The following GMEB2 variants were observed in gnomAD, a reference collection of about 807,000 sequenced individuals.
GMEB2 encodes the protein glucocorticoid modulatory element-binding protein 2.
In GMEB2, 7 loss-of-function variants were observed where a neutral mutation model predicts 45.7. The ratio of observed to expected loss-of-function variants is 0.15; its 90% CI spans 0.09 to 0.29. GMEB2 has a LOEUF of 0.29. Ranked by LOEUF, GMEB2 falls within the 10% of genes least tolerant of loss-of-function variation. The probability of loss-of-function intolerance (pLI) is 1.00; values close to 1 mark genes in which losing one functional copy is unlikely to be tolerated. For synonymous variants in GMEB2, 322 were observed against 323.6 expected (o/e 1.00, Z 0.05); for missense variants, 582 against 739.2 (o/e 0.79, Z 2.47).
chr20:63,615,914 C>T (rs947246618), intron 2 of GMEB2, among the ~76,000 whole-genome samples: 7 of 152,132 alleles, frequency 4.6e-5, no homozygotes, highest in South Asian at 2.1e-4. Flanking sequence ...TCATATGTTT[C>T]GATATAAACA....
intron 1 of GMEB2, among the ~76,000 whole-genome samples, chr20:63,622,825 T>C (rs2089648614): frequency 6.6e-6 from 1 of 152,024 alleles, no homozygotes; most frequent in Non-Finnish European, 1.5e-5. Context: ...AAAGACCCAT[T>C]CTCAAAGAAA....
chr20:63,609,823 CA>C (rs371928312), intron 2 of GMEB2, among the ~76,000 whole-genome samples: 30 of 62,090 alleles, frequency 4.8e-4, no homozygotes, highest in African/African-American at 1.2e-3. Context: ...CCCTCTGACC[CA>C]CACCTCCATT....
chr20:63,591,416 A>G (rs1569047047), intron 9 of GMEB2, among the ~76,000 whole-genome samples: 1 of 152,154 alleles, frequency 6.6e-6, no homozygotes, highest in African/African-American at 2.4e-5. Flanking sequence ...AAACGCACCA[A>G]TATCAGGGGC....
chr20:63,598,631 T>C (rs1272385779), intron 4 of GMEB2, among the ~76,000 whole-genome samples: 2 of 152,166 alleles, frequency 1.3e-5, no homozygotes, highest in African/African-American at 4.8e-5. Context: ...CAAGTCTAGC[T>C]TGCTGAAGGA....
At chr20:63,599,219 C>T (rs2083223556) in intron 4 of GMEB2, among the ~76,000 whole-genome samples, 1 of 151,642 alleles carries the variant, frequency 6.6e-6, no homozygotes, top group Non-Finnish European at 1.5e-5. Flanking sequence ...GCTCCTGACC[C>T]CCCGGAGCTA....
chr20:63,609,274 G>C (rs1601024496), intron 2 of GMEB2, among the ~76,000 whole-genome samples: 2 of 21,628 alleles, frequency 9.2e-5, no homozygotes, highest in Admixed American at 3.8e-4. Context: ...ATGCCCCTCT[G>C]ACCCCACACA....
At position 63,593,047 on chromosome 20, in the gene GMEB2, A is replaced by T. The variant is rs748118729; in HGVS notation, c.655T>A (p.Cys219Ser). The T allele has an allele frequency of 6.2e-7, 1 of 1,612,060 alleles. No individual in the cohort carries two copies. Among genetic ancestry groups the T allele is most frequent in the East Asian group, 2.2e-5 (1 of 44,844 alleles). The change falls in exon 7 of 10, where the codon TGT becomes AGT. Residue 219 changes from cysteine to serine, a missense_variant. Cys to Ser is a moderately radical substitution (Grantham distance 112). Around this residue, in one of 3 missense-constraint regions of GMEB2, gnomAD observed 462 missense variants for 586.7 expected, o/e 0.79. Coordinates refer to ENST00000370077, the MANE Select transcript of GMEB2 (RefSeq NM_012384.5). This position sits in a 1 kb window ranked among gnomAD's most constrained non-coding sequence, Gnocchi z 4.7. ...GSPATITIET[C>S]EDPGDWTAAI... ...GCGGTCCAGTCGCCAGGGTCTTCAC[A>T]GGTCTCTATGGTGATGGTCGCAGGA...
At position 63,604,837 on chromosome 20, in the gene GMEB2, G is replaced by A. The variant is rs377387057; in HGVS notation, c.135C>T (p.Gly45=). Residue 45 remains glycine, a synonymous_variant, in exon 3 of 10, where the codon GGC becomes GGT. Coordinates refer to ENST00000370077, the MANE Select transcript of GMEB2 (RefSeq NM_012384.5). Reference sequence around the variant, plus strand: ...TCTCCATGTTATCTTCCGTCAGGTCGCCCCTGGTGAAGTGAAGGGAGGAGA... The same window carrying A: ...TCTCCATGTTATCTTCCGTCAGGTCACCCCTGGTGAAGTGAAGGGAGGAGA... The part of the protein sequence containing the change: ...LVTTNLAPHG[G]DLTEDNMETE... The A allele has an allele frequency of 2.0e-5, 32 of 1,597,050 alleles. No homozygotes were observed. The highest frequency in any genetic ancestry group is 4.0e-5 in the African/African-American group (3 of 74,660).
Position 63,602,906 on chromosome 20 carries a change from A to G in GMEB2, c.357+59T>C, listed in dbSNP as rs950588795. 6 of 1,528,888 alleles carry G rather than the reference A, an allele frequency of 3.9e-6. No homozygotes were observed. In the African/African-American group the frequency reaches 8.2e-5, roughly 21 times the overall value. 94.7% of individuals were successfully genotyped at this position (1,528,888 alleles called of 1,614,324 possible). On this transcript the variant is annotated intron_variant, in intron 4 of 9. Transcript: ENST00000370077. ...TGCACTCAGCACAGCTGCACCCCCA[A>G]AGCAGTCACAGACACCATGAGGCCT...
chr20:63,620,706 G>A (rs888828985), intron 1 of GMEB2, among the ~76,000 whole-genome samples: 4 of 152,216 alleles, frequency 2.6e-5, no homozygotes, highest in East Asian at 1.9e-4. Flanking sequence ...ACACAGGAAC[G>A]GGGTGCAAAA....
chr20:63,590,428 G>C lies in GMEB2; in HGVS notation c.1254C>G (p.Pro418=), dbSNP rs770643628. ...GCGGGGAGGCCGGGGAGCTGGCGGG[G>C]GGCGCCTGAAGGGAACCCTTGCCCA... ...TVLGKGSLQA[P]PASSPASPLL... Residue 418 remains proline, a synonymous_variant, in exon 10 of 10, where the codon CCC becomes CCG. Coordinates refer to ENST00000370077, the MANE Select transcript of GMEB2 (RefSeq NM_012384.5). 2.2e-5 allele frequency: 34 copies of C among 1,554,516 alleles called. No individual in the cohort carries two copies. Among genetic ancestry groups the C allele is most frequent in the Non-Finnish European group, 2.9e-5 (33 of 1,145,070 alleles).
At chr20:63,603,274 G>C (rs1424308827) in intron 3 of GMEB2, among the ~76,000 whole-genome samples, 182 bp from the exon 4 acceptor site, 1 of 152,150 alleles carries the variant, frequency 6.6e-6, no homozygotes, top group African/African-American at 2.4e-5. Context: ...TAGAGTTTCA[G>C]GGTTAAACCC....
chr20:63,598,802 G>A (rs1038669637), intron 4 of GMEB2, among the ~76,000 whole-genome samples: 8 of 152,216 alleles, frequency 5.3e-5, no homozygotes, highest in Admixed American at 2.6e-4. Flanking sequence ...GCCACTGTCG[G>A]AGCCTGGCAG....
rs34155777 is a variant in GMEB2, at chr20:63,606,348, A to ATTT, written c.132-1511_132-1509dup. 5.4e-4 allele frequency among the ~76,000 whole-genome samples: 75 copies of ATTT among 139,642 alleles called. 3 individuals are homozygous for ATTT. Among genetic ancestry groups the ATTT allele is most frequent in the South Asian group, 2.3e-3 (10 of 4,396 alleles). The allele number at this position is 139,642 out of a possible 152,430, so 91.6% of individuals were successfully genotyped here. On this transcript the variant is annotated intron_variant, in intron 2 of 9. Transcript: ENST00000370077. ...GCCAGGAAAAAAAACACCACAAACA[A>ATTT]TTTTTTTTTTTTTTTTTGAGACGGA...
rs1202096555 is a variant in GMEB2 at position 63,595,673 on chromosome 20, G to A, written c.556C>T (p.Arg186Cys). Residue 186 changes from arginine to cysteine, a missense_variant, in exon 6 of 10, where the codon CGT becomes TGT. Transcript: ENST00000370077. ...GACGTGGGGCTGCTCAGGGACACAC[G>A]GGCTCCTGAGAGGTCAATCTTTGTG... ...RSTKIDLSGARVSLSSPTSAE... is the reference protein window; with the variant it reads ...RSTKIDLSGACVSLSSPTSAE... 18 of 1,613,800 alleles carry A rather than the reference G, an allele frequency of 1.1e-5. No homozygotes were observed. The highest frequency in any genetic ancestry group is 2.7e-5 in the African/African-American group (2 of 74,940).
At chr20:63,601,656 T>G (rs1297892700) in intron 4 of GMEB2, among the ~76,000 whole-genome samples, 1 of 152,166 alleles carries the variant, frequency 6.6e-6, no homozygotes, top group African/African-American at 2.4e-5. Flanking sequence ...TTGCAGGTGT[T>G]AAGCCATGGC....
At chr20:63,606,348 ATTT>A (rs34155777) in intron 2 of GMEB2, among the ~76,000 whole-genome samples, 3 of 139,634 alleles carry the variant, frequency 2.1e-5, no homozygotes, top group Admixed American at 7.2e-5. Context: ...ACCACAAACA[ATTT>A]TTTTTTTTTT....
intron 3 of GMEB2, 53 bp from the exon 4 acceptor site, chr20:63,603,145 C>T (rs935375698): frequency 6.3e-7 from 1 of 1,587,486 alleles, no homozygotes; most frequent in Non-Finnish European, 8.6e-7. Flanking sequence ...TCAGTTACAA[C>T]CTCTTCAAAG....
intron 9 of GMEB2, 118 bp from the exon 10 acceptor site, chr20:63,590,847 G>T (rs1239970166): frequency 3.4e-6 from 2 of 580,284 alleles, no homozygotes; most frequent in Admixed American, 3.7e-5. Context: ...GGCAACCCAG[G>T]TCTGCTCACC....
Sources: gnomAD v4.1 joint callset for allele counts (sites outside exome capture counted in the v4.1 genomes callset) on GRCh38, gnomAD v4.1.1 for gene constraint, gnomAD v4.1.1 regional missense constraint, Gnocchi (gnomAD v3.1) non-coding constraint, MANE v1.5 for transcripts, NCBI Gene and HGNC (gene_info 2026-07-23, HGNC 2026-07-21) for gene names.